CLEC20A: variants seen among roughly 807,000 people sequenced by gnomAD.
CLEC20A encodes the protein putative C-type lectin domain family 20 member A.
chr1:178,492,930 C>T (rs184801099), intron 2 of CLEC20A, among the ~76,000 whole-genome samples: 24 of 152,244 alleles, frequency 1.6e-4, no homozygotes, highest in Admixed American at 4.6e-4. Context: ...GAGATGAGGC[C>T]GAAGAGGGGA....
intron 2 of CLEC20A, 126 bp from the exon 3 acceptor site, chr1:178,492,692 C>T (rs767767769): frequency 2.0e-5 from 8 of 397,052 alleles, no homozygotes; most frequent in African/African-American, 6.2e-5. Flanking sequence ...CTTTCCACAT[C>T]GATTCAATCC....
At chr1:178,482,360 G>A (rs1649012257) in exon 7 of CLEC20A, 1 of 398,636 alleles carries the variant, frequency 2.5e-6, no homozygotes, top group Non-Finnish European at 4.4e-6. Context: ...TCAGAGTTGA[G>A]ATGGTAAAGT....
At chr1:178,497,595 G>A (rs1046577661), upstream of CLEC20A, among the ~76,000 whole-genome samples, 1 of 152,214 alleles carries the variant, frequency 6.6e-6, no homozygotes, top group Non-Finnish European at 1.5e-5. Flanking sequence ...TTTCTACACA[G>A]CTGCCCACAC....
chr1:178,482,960 CAGAAG>C (rs1310196574), intron 6 of CLEC20A: 9 of 372,908 alleles, frequency 2.4e-5, no homozygotes, highest in Non-Finnish European at 4.3e-5. Flanking sequence ...ATCCCCTTCA[CAGAAG>C]AGAAATAGAA....
intron 5 of CLEC20A, among the ~76,000 whole-genome samples, chr1:178,485,896 A>G (rs965175071): frequency 1.3e-5 from 2 of 152,186 alleles, no homozygotes; most frequent in Admixed American, 6.5e-5. Context: ...AGCTCCATCT[A>G]TTAAGGAGAG....
chr1:178,483,982 A>G (rs575539312), intron 5 of CLEC20A: 11 of 152,192 alleles, frequency 7.2e-5, no homozygotes, highest in Non-Finnish European at 5.9e-5. Context: ...GGTCCTTCAC[A>G]CTCTCGAATT....
chr1:178,480,719 T>G (rs1162878140), intron 7 of CLEC20A: 1 of 151,882 alleles, frequency 6.6e-6, no homozygotes, highest in Non-Finnish European at 1.5e-5. Flanking sequence ...GAGGTGGAGC[T>G]TGCAGTGAGC....
chr1:178,491,314 C>T (rs914362154), intron 3 of CLEC20A, among the ~76,000 whole-genome samples: 4 of 152,218 alleles, frequency 2.6e-5, no homozygotes, highest in African/African-American at 9.6e-5. Flanking sequence ...AGATGAAACA[C>T]TCCTGTTTGC....
At chr1:178,494,136 A>G (rs1649333141) in intron 2 of CLEC20A, among the ~76,000 whole-genome samples, 1 of 152,234 alleles carries the variant, frequency 6.6e-6, no homozygotes, top group Admixed American at 6.5e-5. Context: ...GCTCATGCCT[A>G]TAATCCCAGC....
chr1:178,494,504 C>T (rs1649340759), exon 2 of CLEC20A: 2 of 399,496 alleles, frequency 5.0e-6, no homozygotes, highest in Non-Finnish European at 8.8e-6. Context: ...AGCCCCTATG[C>T]TGGGTAATTT....
At chr1:178,484,250 G>A (rs1558027677) in intron 5 of CLEC20A, 1 of 152,210 alleles carries the variant, frequency 6.6e-6, no homozygotes, top group Non-Finnish European at 1.5e-5. Context: ...TTATGCACAT[G>A]TTAAAACTGA....
upstream of CLEC20A, among the ~76,000 whole-genome samples, chr1:178,497,886 GGCAGGGTGAGGC>G (rs1485589190): frequency 2.6e-5 from 4 of 152,050 alleles, no homozygotes; most frequent in Non-Finnish European, 4.4e-5. Context: ...GGTAGCAGAG[GGCAGGGTGAGGC>G]TAGACCCCTT....
At chr1:178,492,101 T>C (rs555996364) in intron 3 of CLEC20A, among the ~76,000 whole-genome samples, 1 of 151,692 alleles carries the variant, frequency 6.6e-6, no homozygotes, top group East Asian at 1.9e-4. Context: ...CTGAGCAACA[T>C]GGCAAAACCC....
chr1:178,492,656 T>G (rs1284777513), intron 2 of CLEC20A, 90 bp from the exon 3 acceptor site: 6 of 398,204 alleles, frequency 1.5e-5, no homozygotes, highest in Non-Finnish European at 2.2e-5. Context: ...AAAACCTAGC[T>G]CAGGGGCAGA....
At chr1:178,488,559 T>C (rs1250384395) in exon 5 of CLEC20A, 1 of 398,402 alleles carries the variant, frequency 2.5e-6, no homozygotes, top group East Asian at 3.6e-5. Flanking sequence ...TGTGGAAGAG[T>C]GGAGGCAACT....
At chr1:178,494,306 C>A (rs1381287565) in intron 2 of CLEC20A, 148 bp downstream of exon 2, 2 of 396,884 alleles carry the variant, frequency 5.0e-6, no homozygotes, top group Non-Finnish European at 8.9e-6. Context: ...GTAGTCCCAG[C>A]TGCTCAGGAG....
chr1:178,498,249 G>T (rs576170287), upstream of CLEC20A, among the ~76,000 whole-genome samples: 2 of 152,014 alleles, frequency 1.3e-5, no homozygotes, highest in Non-Finnish European at 2.9e-5. Flanking sequence ...TTCTGCTTCC[G>T]CACGGTCAGA....
At chr1:178,496,656 C>G (rs1649401645) in intron 1 of CLEC20A, 1 of 394,604 alleles carries the variant, frequency 2.5e-6, no homozygotes, top group Admixed American at 4.4e-5. Context: ...AAGAAAGCTG[C>G]TGGAGCCGCA....
downstream of CLEC20A, chr1:178,478,940 G>T (rs1372019423): frequency 6.6e-6 from 1 of 152,122 alleles, no homozygotes. Flanking sequence ...AAACAAGAAA[G>T]GAAATGTATG....
Sources: gnomAD v4.1 joint callset for allele counts (sites outside exome capture counted in the v4.1 genomes callset) on GRCh38, gnomAD v4.1.1 for gene constraint, MANE v1.5 for transcripts, NCBI Gene and HGNC (gene_info 2026-07-23, HGNC 2026-07-21) for gene names.